The following MOB4 variants were observed in gnomAD, a reference collection of about 807,000 sequenced individuals.
MOB4 encodes the protein MOB-like protein phocein.
MOB4 carries 4 observed loss-of-function variants against 32.2 expected under a neutral mutation model. That is an observed-to-expected ratio of 0.12 (90% CI 0.06 to 0.28). The LOEUF is 0.28. Ranked by LOEUF, MOB4 falls within the 10% of genes least tolerant of loss-of-function variation. The probability of loss-of-function intolerance (pLI) is 1.00; values close to 1 mark genes in which losing one functional copy is unlikely to be tolerated. For synonymous variants in MOB4, 88 were observed against 88.1 expected (o/e 1.00, Z 0.01); for missense variants, 158 against 271.2 (o/e 0.58, Z 2.93).
intron 5 of MOB4, among the ~76,000 whole-genome samples, chr2:197,543,520 A>G (rs1003111900): frequency 9.2e-5 from 14 of 152,112 alleles, no homozygotes; most frequent in African/African-American, 3.4e-4. Flanking sequence ...TTATAAAACC[A>G]TGAAAGGGAA....
intron 3 of MOB4, 115 bp from the exon 4 acceptor site, chr2:197,539,996 A>G: frequency 8.9e-7 from 1 of 1,119,626 alleles, no homozygotes; most frequent in South Asian, 2.1e-5. Context: ...TGGTTTTGAG[A>G]ATGGTAATGA....
Position 197,553,169 on chromosome 2 carries a change from C to T in MOB4, c.*2523C>T, listed in dbSNP as rs2087124743. ...AAATCCTTGGTCAGGCACAGGGGCT[C>T]ACGCCTGTAATCCCAGCACTTTGGG... On this transcript the variant is annotated 3_prime_UTR_variant, in exon 8 of 8. Coordinates refer to ENST00000323303, the MANE Select transcript of MOB4 (RefSeq NM_015387.5). 1 of 152,248 alleles carries T rather than the reference C, an allele frequency of 6.6e-6. No homozygotes were observed. The highest frequency in any genetic ancestry group is 1.5e-5 in the Non-Finnish European group (1 of 68,058). The allele number at this position is 152,248 out of a possible 1,614,324, so 9.4% of individuals were successfully genotyped here.
chr2:197,553,485 A>G lies in MOB4; in HGVS notation c.*2839A>G, dbSNP rs568979332. 6.6e-6 allele frequency: 1 copy of G among 152,220 alleles called. No individual in the cohort carries two copies. The highest frequency in any genetic ancestry group is 1.9e-4 in the East Asian group (1 of 5,174). The allele number at this position is 152,220 out of a possible 1,614,324, so 9.4% of individuals were successfully genotyped here. On this transcript the variant is annotated 3_prime_UTR_variant, in exon 8 of 8. Coordinates refer to ENST00000323303, the MANE Select transcript of MOB4 (RefSeq NM_015387.5). ...AGGACTGTGTTACGATTATAAACACATTTATTGGTTGATGTCAAATTCACT... is the reference window on the plus strand; with the variant it reads ...AGGACTGTGTTACGATTATAAACACGTTTATTGGTTGATGTCAAATTCACT...
At chr2:197,532,008 C>G (rs961148797) in intron 2 of MOB4, among the ~76,000 whole-genome samples, 1 of 152,072 alleles carries the variant, frequency 6.6e-6, no homozygotes, top group African/African-American at 2.4e-5. Flanking sequence ...CTCCCAGGTT[C>G]AAGTGATTCT....
intron 1 of MOB4, among the ~76,000 whole-genome samples, chr2:197,522,355 G>T: frequency 8.9e-6 from 1 of 112,822 alleles, no homozygotes; most frequent in Non-Finnish European, 1.7e-5. Flanking sequence ...TTTTGAGATG[G>T]AGTCTTGCTC....
intron 5 of MOB4, among the ~76,000 whole-genome samples, chr2:197,547,582 G>A (rs1447246624): frequency 6.6e-6 from 1 of 152,072 alleles, no homozygotes; most frequent in African/African-American, 2.4e-5. Flanking sequence ...TTACTAAACC[G>A]TATTTCTAAG....
At chr2:197,532,054 G>A (rs746979926) in intron 2 of MOB4, among the ~76,000 whole-genome samples, 2 of 151,680 alleles carry the variant, frequency 1.3e-5, no homozygotes, top group African/African-American at 4.8e-5. Context: ...GATTACAGGC[G>A]TGTGCTACCA....
At chr2:197,537,498 A>G (rs2086821237) in intron 3 of MOB4, among the ~76,000 whole-genome samples, 5 of 152,144 alleles carry the variant, frequency 3.3e-5, no homozygotes, top group South Asian at 2.1e-4. Context: ...AAAAATATTT[A>G]CTTTTTGATG....
intron 2 of MOB4, among the ~76,000 whole-genome samples, chr2:197,524,991 T>A (rs577740762): frequency 6.6e-6 from 1 of 152,194 alleles, no homozygotes; most frequent in South Asian, 2.1e-4. Context: ...ATAACATTTT[T>A]AAAGGGAAAA....
At chr2:197,540,238 C>A in intron 4 of MOB4, 85 bp downstream of exon 4, 1 of 1,515,380 alleles carries the variant, frequency 6.6e-7, no homozygotes, top group Non-Finnish European at 8.9e-7. Context: ...CTTACAAAAA[C>A]GTATCCACAT....
intron 2 of MOB4, among the ~76,000 whole-genome samples, chr2:197,530,793 C>G (rs1381648828): frequency 6.6e-6 from 1 of 151,922 alleles, no homozygotes; most frequent in African/African-American, 2.4e-5. Context: ...GAGATGGGCT[C>G]TTATTGTGTT....
chr2:197,529,024 C>T (rs1031782501), intron 2 of MOB4, among the ~76,000 whole-genome samples: 7 of 150,714 alleles, frequency 4.6e-5, no homozygotes, highest in South Asian at 2.1e-4. Context: ...TGCAGTGGCG[C>T]GATCTCGGCT....
intron 2 of MOB4, 134 bp from the exon 3 acceptor site, chr2:197,535,396 A>G: frequency 3.0e-6 from 2 of 671,688 alleles, no homozygotes; most frequent in Non-Finnish European, 4.6e-6. Flanking sequence ...ATGATTCTAT[A>G]CTTGGTTTCC....
rs185883518 is a variant in MOB4 at position 197,548,217 on chromosome 2, A to G, written c.355-119A>G. ...ATTTTACAAGCATTCGGAAATTGTA[A>G]GGAACTTTTTTCTTAGAACATGCTC... is the stretch of plus-strand genomic sequence containing the variant. On this transcript the variant is annotated intron_variant, in intron 5 of 7. Coordinates refer to ENST00000323303, the MANE Select transcript of MOB4 (RefSeq NM_015387.5). 2.4e-4 allele frequency: 165 copies of G among 674,174 alleles called. 1 individual carries two copies. The African/African-American group carries it at 2.8e-3, about 11-fold the overall frequency. 41.8% of individuals were successfully genotyped at this position (674,174 alleles called of 1,614,324 possible).
At chr2:197,538,443 C>T (rs183880189) in intron 3 of MOB4, among the ~76,000 whole-genome samples, 1 of 150,716 alleles carries the variant, frequency 6.6e-6, no homozygotes, top group East Asian at 1.9e-4. Flanking sequence ...GTATACTTGC[C>T]ATTTTTAGTT....
intron 3 of MOB4, among the ~76,000 whole-genome samples, chr2:197,535,903 T>C (rs1258658721): frequency 3.3e-5 from 5 of 149,334 alleles, no homozygotes; most frequent in East Asian, 1.9e-4. Flanking sequence ...TCTTTTCTTT[T>C]TTTTTTTTTT....
chr2:197,537,495 T>G (rs537103591), intron 3 of MOB4, among the ~76,000 whole-genome samples: 1 of 152,206 alleles, frequency 6.6e-6, no homozygotes, highest in East Asian at 1.9e-4. Context: ...TTTAAAAATA[T>G]TTACTTTTTG....
intron 5 of MOB4, among the ~76,000 whole-genome samples, chr2:197,544,613 C>T (rs532713097): frequency 1.4e-4 from 21 of 152,022 alleles, no homozygotes; most frequent in South Asian, 4.2e-4. Flanking sequence ...ATTACCCGGG[C>T]GCTGTGGCGT....
rs749761339 is a variant in MOB4 at position 197,548,356 on chromosome 2, T to C, written c.375T>C (p.Thr125=). 2.5e-6 allele frequency: 4 copies of C among 1,612,752 alleles called. No individual in the cohort carries two copies. In the South Asian group the frequency reaches 4.4e-5, roughly 18 times the overall value. ...TPKECPAIDY[T]RHTLDGAACL... ...TGTAGTGTCCTGCTATAGACTATAC[T>C]AGACACACACTTGATGGTGCTGCAT... is the stretch of plus-strand genomic sequence containing the variant. The change falls in exon 6 of 8, where the codon ACT becomes ACC. Residue 125 remains threonine, a synonymous_variant. Transcript: ENST00000323303.
Sources: allele counts gnomAD v4.1 joint callset (sites outside exome capture counted in the v4.1 genomes callset), GRCh38; gene constraint gnomAD v4.1.1; transcripts MANE v1.5; gene names NCBI Gene and HGNC (gene_info 2026-07-23, HGNC 2026-07-21).